GRIA1: variants seen among roughly 807,000 people sequenced by gnomAD.
GRIA1 encodes the protein glutamate receptor 1.
In GRIA1, 31 loss-of-function variants were observed where a neutral mutation model predicts 99.2. That is an observed-to-expected ratio of 0.31 (90% CI 0.23 to 0.42). The LOEUF (loss-of-function observed/expected upper bound fraction) is 0.42. Ranked by LOEUF, GRIA1 falls within the 10% of genes least tolerant of loss-of-function variation. The pLI is 1.00. For missense variants in GRIA1, 782 were observed against 1,157.5 expected (o/e 0.68, Z 4.71); for synonymous variants, 438 against 432.4 (o/e 1.01, Z -0.16).
At chr5:153,745,589 C>CAAAAAAAAAAAAA (rs58166158) in intron 11 of GRIA1, among the ~76,000 whole-genome samples, 2 of 100,906 alleles carry the variant, frequency 2.0e-5, no homozygotes, top group Non-Finnish European at 4.0e-5. Flanking sequence ...AACTCTGTCT[C>CAAAAAAAAAAAAA]AAAAAAAAAA....
In GRIA1 at chr5:153,523,877, C is replaced by G. The variant is rs1757377321; in HGVS notation, c.220+29812C>G. On this transcript the variant is annotated intron_variant, in intron 2 of 15. Transcript: ENST00000285900. Reference sequence around the variant, plus strand: ...AATCACCAGCCACTCTTACTGCATGCTAGTTTTCTCCAAAAGCTGTAAGTT... The same window carrying G: ...AATCACCAGCCACTCTTACTGCATGGTAGTTTTCTCCAAAAGCTGTAAGTT... Among the ~76,000 whole-genome samples the G allele has an allele frequency of 2.0e-5, 3 of 152,196 alleles. No homozygotes were observed. The South Asian group carries it at 6.2e-4, about 32-fold the overall frequency.
At chr5:153,778,192 A>AGAGTGTGT (rs1322249458) in intron 13 of GRIA1, among the ~76,000 whole-genome samples, 16 of 37,366 alleles carry the variant, frequency 4.3e-4, no homozygotes, top group African/African-American at 1.8e-3. Context: ...AGAGAGAGAG[A>AGAGTGTGT]GTGTGTGTGT....
chr5:153,595,119 G>C (rs1764315025), intron 2 of GRIA1, among the ~76,000 whole-genome samples: 1 of 151,914 alleles, frequency 6.6e-6, no homozygotes, highest in African/African-American at 2.4e-5. Flanking sequence ...TCTTTGATCT[G>C]TATATTCACA....
At chr5:153,568,139 G>T (rs947194438) in intron 2 of GRIA1, among the ~76,000 whole-genome samples, 1 of 152,066 alleles carries the variant, frequency 6.6e-6, no homozygotes, top group Non-Finnish European at 1.5e-5. Context: ...TATTAAACAC[G>T]GGTGACGAAG....
chr5:153,534,322 G>A (rs1423049835), intron 2 of GRIA1, among the ~76,000 whole-genome samples: 2 of 152,136 alleles, frequency 1.3e-5, no homozygotes, highest in African/African-American at 2.4e-5. Context: ...TGAAAGGCTG[G>A]CTGATAAATG....
chr5:153,601,280 G>C (rs1021308527), intron 2 of GRIA1, among the ~76,000 whole-genome samples: 4 of 152,196 alleles, frequency 2.6e-5, no homozygotes, highest in Non-Finnish European at 5.9e-5. Flanking sequence ...TAACTCATAA[G>C]TGGTAAATAT....
chr5:153,805,591 G>A (rs1766372002), intron 15 of GRIA1, among the ~76,000 whole-genome samples: 1 of 152,194 alleles, frequency 6.6e-6, no homozygotes, highest in African/African-American at 2.4e-5. Context: ...TGGACATCCA[G>A]CCCTTTCTCT....
At chr5:153,526,952 G>A (rs1048594035) in intron 2 of GRIA1, among the ~76,000 whole-genome samples, 12 of 152,228 alleles carry the variant, frequency 7.9e-5, no homozygotes. Flanking sequence ...GACTAAGTGA[G>A]CCAATATAGG....
chr5:153,559,715 TAGGAATTTTTC>T (rs1252191534), intron 2 of GRIA1, among the ~76,000 whole-genome samples: 1 of 152,100 alleles, frequency 6.6e-6, no homozygotes, highest in African/African-American at 2.4e-5. Flanking sequence ...TACTAGACAA[TAGGAATTTTTC>T]AGCTCTATTA....
At chr5:153,609,023 G>C (rs1023550753) in intron 2 of GRIA1, among the ~76,000 whole-genome samples, 1 of 152,146 alleles carries the variant, frequency 6.6e-6, no homozygotes, top group African/African-American at 2.4e-5. Context: ...CTATTGGGCA[G>C]CCCTTCTGAG....
intron 11 of GRIA1, among the ~76,000 whole-genome samples, chr5:153,719,543 G>T (rs1334746495): frequency 6.6e-6 from 1 of 151,934 alleles, no homozygotes; most frequent in African/African-American, 2.4e-5. Context: ...CCCTCTCCTG[G>T]CTCCTCTGTG....
intron 2 of GRIA1, among the ~76,000 whole-genome samples, chr5:153,599,960 G>A (rs1318481110): frequency 1.3e-5 from 2 of 152,084 alleles, no homozygotes; most frequent in Non-Finnish European, 2.9e-5. Flanking sequence ...GAAGGCTGTC[G>A]GCTTGACTAA....
intron 5 of GRIA1, among the ~76,000 whole-genome samples, chr5:153,656,323 G>A (rs1407348152): frequency 1.3e-5 from 2 of 148,184 alleles, no homozygotes; most frequent in African/African-American, 5.0e-5. Flanking sequence ...TTCCCAGCAT[G>A]AACAATATTA....
chr5:153,499,282 TG>T (rs1210530631), intron 2 of GRIA1, among the ~76,000 whole-genome samples: 1 of 152,066 alleles, frequency 6.6e-6, no homozygotes, highest in African/African-American at 2.4e-5. Flanking sequence ...AAAGCCAGTT[TG>T]GGGGGCTCCA....
intron 11 of GRIA1, among the ~76,000 whole-genome samples, chr5:153,706,527 A>G (rs887409512): frequency 2.0e-5 from 3 of 152,190 alleles, no homozygotes; most frequent in African/African-American, 7.2e-5. Flanking sequence ...TATCTTGCCA[A>G]TGTTACACAG....
At chr5:153,643,188 A>G (rs1753897613) in intron 2 of GRIA1, among the ~76,000 whole-genome samples, 3 of 152,222 alleles carry the variant, frequency 2.0e-5, no homozygotes, top group Admixed American at 1.3e-4. Flanking sequence ...ATATTGTCGA[A>G]TCAGTAAACA....
chr5:153,590,847 A>G (rs1327859264), intron 2 of GRIA1, among the ~76,000 whole-genome samples: 1 of 152,198 alleles, frequency 6.6e-6, no homozygotes, highest in Non-Finnish European at 1.5e-5. Flanking sequence ...TAGGATGTGT[A>G]CTGTGCTTGT....
At chr5:153,806,713 G>C (rs1208964554) in intron 15 of GRIA1, among the ~76,000 whole-genome samples, 12 of 152,182 alleles carry the variant, frequency 7.9e-5, no homozygotes, top group Admixed American at 7.9e-4. Flanking sequence ...GGGTGGAGGA[G>C]AGAGAGAGAT....
intron 2 of GRIA1, among the ~76,000 whole-genome samples, chr5:153,586,407 C>T (rs1763486718): frequency 6.6e-6 from 1 of 152,142 alleles, no homozygotes; most frequent in Non-Finnish European, 1.5e-5. Context: ...TAAAATGTGG[C>T]TAGAGATTAA....
Sources: allele counts gnomAD v4.1 joint callset (sites outside exome capture counted in the v4.1 genomes callset), GRCh38; gene constraint gnomAD v4.1.1; transcripts MANE v1.5; gene names NCBI Gene and HGNC (gene_info 2026-07-23, HGNC 2026-07-21).